The following DERPC variants were observed in gnomAD, a reference collection of about 807,000 sequenced individuals.
DERPC encodes DERPC proline and glycine rich nuclear protein, also known as decreased expression in renal and prostate cancer protein.
In DERPC, 1 loss-of-function variant was observed where a neutral mutation model predicts 7.2. The ratio of observed to expected loss-of-function variants is 0.14; its 90% CI spans 0.05 to 0.66. The LOEUF is 0.66. DERPC is among the 30% of genes least tolerant of loss of function. DERPC has a pLI of 0.84. For synonymous variants in DERPC, 185 were observed against 117.6 expected (o/e 1.57, Z -3.71); for missense variants, 502 against 299.4 (o/e 1.68, Z -4.99).
chr16:69,130,305 G>A (rs902462122), intron 1 of DERPC, among the ~76,000 whole-genome samples: 6 of 149,536 alleles, frequency 4.0e-5, no homozygotes, highest in Middle Eastern at 7.0e-3. Flanking sequence ...CAACGTTTTA[G>A]AAATTTTGTT....
In DERPC at chr16:69,118,031, A is replaced by G. The variant is rs1961279533; in HGVS notation, c.*823T>C. The G allele has an allele frequency of 2.7e-6, 1 of 369,036 alleles. No individual in the cohort carries two copies. The highest frequency in any genetic ancestry group is 4.2e-5 in the Admixed American group (1 of 23,710). The allele number at this position is 369,036 out of a possible 1,614,324, so 22.9% of individuals were successfully genotyped here. ...AGCAGCCCTCTCATCCCATTTATTAAAGAAACAGTAAGAAAAGATACAATG... is the reference window on the plus strand; with the variant it reads ...AGCAGCCCTCTCATCCCATTTATTAGAGAAACAGTAAGAAAAGATACAATG... On this transcript the variant is annotated 3_prime_UTR_variant, in exon 3 of 3. Transcript: ENST00000519520.
chr16:69,131,234 T>G (rs2152273900), intron 1 of DERPC: 1 of 152,330 alleles, frequency 6.6e-6, no homozygotes, highest in East Asian at 1.9e-4. Context: ...GTGTGGATGC[T>G]ATGCATACAC....
chr16:69,118,259 G>A lies in DERPC; in HGVS notation c.*595C>T, dbSNP rs576908984. ...TAAATCTGGCCACCTCTAAGTCCCA[G>A]GAGAAGGGAGCTGCAGGCCCAGTCA... On this transcript the variant is annotated 3_prime_UTR_variant, in exon 3 of 3. Coordinates refer to ENST00000519520, the MANE Select transcript of DERPC (RefSeq NM_001002847.4). 18 of 791,986 alleles carry A rather than the reference G, an allele frequency of 2.3e-5. No individual in the cohort carries two copies. Among genetic ancestry groups the A allele is most frequent in the Non-Finnish European group, 3.3e-5 (15 of 449,678 alleles). 49.1% of individuals were successfully genotyped at this position (791,986 alleles called of 1,614,324 possible). A position where few individuals can be genotyped will look rare whatever the true frequency, so the allele number is the denominator to read the frequency against.
At chr16:69,122,867 T>A (rs1447816199) in intron 1 of DERPC, among the ~76,000 whole-genome samples, 1 of 150,846 alleles carries the variant, frequency 6.6e-6, no homozygotes, top group Non-Finnish European at 1.5e-5. Context: ...TTAGTAGAGA[T>A]GGGGTTTCAC....
chr16:69,121,961 G>T (rs535280915), intron 1 of DERPC, among the ~76,000 whole-genome samples: 1 of 151,566 alleles, frequency 6.6e-6, no homozygotes, highest in Non-Finnish European at 1.5e-5. Context: ...GAGCCACCGC[G>T]CCCGGCCCTA....
chr16:69,121,206 A>C lies in DERPC; in HGVS notation c.-222+230T>G, dbSNP rs767995655. ...AGGGCTGGCGGTTACAATATTTTTG[A>C]GGGGTGAAGGATGAATAGTGTCCTC... is the stretch of plus-strand genomic sequence containing the variant. On this transcript the variant is annotated intron_variant, in intron 2 of 2. Transcript: ENST00000519520. 25 of 1,580,746 alleles carry C rather than the reference A, an allele frequency of 1.6e-5. No homozygotes were observed. In the Admixed American group the frequency reaches 2.4e-4, roughly 15 times the overall value.
At chr16:69,121,281 T>C (rs1961635155) in intron 2 of DERPC, 155 bp downstream of exon 2, 1 of 1,270,240 alleles carries the variant, frequency 7.9e-7, no homozygotes, top group Non-Finnish European at 1.1e-6. Context: ...GTCAAGTTCT[T>C]GGGAAATTGG....
chr16:69,130,198 T>C (rs1329561872), intron 1 of DERPC, among the ~76,000 whole-genome samples: 1 of 152,244 alleles, frequency 6.6e-6, no homozygotes, highest in East Asian at 1.9e-4. Flanking sequence ...GTGTGATATG[T>C]ATCCAATTAA....
intron 1 of DERPC, among the ~76,000 whole-genome samples, chr16:69,130,638 G>T (rs186131348): frequency 6.6e-6 from 1 of 152,186 alleles, no homozygotes; most frequent in Admixed American, 6.5e-5. Context: ...AAAGGCTGTT[G>T]CAAGAACGAG....
chr16:69,118,342 TTC>T lies in DERPC; in HGVS notation c.*510_*511del, dbSNP rs756938569. On this transcript the variant is annotated 3_prime_UTR_variant, in exon 3 of 3. Transcript: ENST00000519520. Reference sequence around the variant, plus strand: ...TTTGAAGTGGTTGTCCATCTCCCTGTTCTGTGTTCAAGCCCCCAGGGAAAGGT... The same window carrying T: ...TTTGAAGTGGTTGTCCATCTCCCTGTTGTGTTCAAGCCCCCAGGGAAAGGT... 4 of 1,525,008 alleles carry T rather than the reference TTC, an allele frequency of 2.6e-6. No homozygotes were observed. The highest frequency in any genetic ancestry group is 3.6e-6 in the Non-Finnish European group (4 of 1,098,792). The allele number at this position is 1,525,008 out of a possible 1,614,324, so 94.5% of individuals were successfully genotyped here. A position where few individuals can be genotyped will look rare whatever the true frequency, so the allele number is the denominator to read the frequency against.
chr16:69,123,693 C>G (rs1317517145), intron 1 of DERPC, among the ~76,000 whole-genome samples: 1 of 152,086 alleles, frequency 6.6e-6, no homozygotes, highest in East Asian at 1.9e-4. Flanking sequence ...TGAGAAAGTC[C>G]TCCAACATCT....
In DERPC at chr16:69,132,551, T is replaced by C. The variant is rs1567597586; in HGVS notation, c.-347A>G. 1.1e-5 allele frequency: 4 copies of C among 364,434 alleles called. No homozygotes were observed. The highest frequency in any genetic ancestry group is 4.5e-5 in the African/African-American group (2 of 43,958). 22.6% of individuals were successfully genotyped at this position (364,434 alleles called of 1,614,324 possible). On this transcript the variant is annotated 5_prime_UTR_variant, in exon 1 of 3. Transcript: ENST00000519520. ...GCGACAACCGAACCTCCCGCCGCCG[T>C]CGCCGCCGCCGCGAGCACTGCCTGC...
Position 69,119,523 on chromosome 16 carries a change from G to C in DERPC, c.906C>G (p.Ser302Arg). Residue 302 changes from serine to arginine, a missense_variant, in exon 3 of 3, where the codon AGC becomes AGG. Transcript: ENST00000519520. ...CAGGTACTCTTGCCATGGAGGATGG[G>C]CTTGTGCCCATGTTTCCAGAAGCCT... ...FSQASGNMGT[S>R]PSSMARVPGP... is the part of the protein sequence containing the mutation. 1 of 702,912 alleles carries C rather than the reference G, an allele frequency of 1.4e-6. No individual in the cohort carries two copies. The highest frequency in any genetic ancestry group is 2.6e-6 in the Non-Finnish European group (1 of 384,986). 43.5% of individuals were successfully genotyped at this position (702,912 alleles called of 1,614,324 possible). A position where few individuals can be genotyped will look rare whatever the true frequency, so the allele number is the denominator to read the frequency against.
Position 69,120,224 on chromosome 16 carries a change from G to C in DERPC, c.205C>G (p.Pro69Ala), listed in dbSNP as rs748635349. Residue 69 changes from proline (P) to alanine (A), a missense_variant, in exon 3 of 3, where the codon CCA (proline) becomes GCA (alanine). Physicochemically the swap from Pro to Ala is conservative, Grantham distance 27 (BLOSUM62 -1). Coordinates refer to ENST00000519520, the MANE Select transcript of DERPC (RefSeq NM_001002847.4). The surrounding 1 kb of genome is among the most constrained non-coding windows in gnomAD (Gnocchi z 4.0). ...GGNLTPFPRN[P>A]SPFPASSGSL... ...CCTGATGAAGCTGGAAAAGGAGATG[G>C]GTTCCTTGGAAATGGGGTCAGATTT... 1.6e-5 allele frequency: 11 copies of C among 705,148 alleles called. No homozygotes were observed. The highest frequency in any genetic ancestry group is 2.3e-5 in the Non-Finnish European group (9 of 386,990). 43.7% of individuals were successfully genotyped at this position (705,148 alleles called of 1,614,324 possible). A position where few individuals can be genotyped will look rare whatever the true frequency, so the allele number is the denominator to read the frequency against.
At position 69,118,181 on chromosome 16, in the gene DERPC, T is replaced by TTTGA. The variant is rs373811879; in HGVS notation, c.*669_*672dup. On this transcript the variant is annotated 3_prime_UTR_variant, in exon 3 of 3. Transcript: ENST00000519520. ...CACATCAGTTTAAATTTTGAGGTTC[T>TTTGA]TTGATTGATTGGGAGTACCAGTGAA... is the stretch of plus-strand genomic sequence containing the variant. 35 of 561,706 alleles carry TTTGA rather than the reference T, an allele frequency of 6.2e-5. No individual in the cohort carries two copies. Among genetic ancestry groups the TTTGA allele is most frequent in the African/African-American group, 3.6e-4 (19 of 52,082 alleles). 34.8% of individuals were successfully genotyped at this position (561,706 alleles called of 1,614,324 possible).
At chr16:69,127,946 ACT>A (rs1962199611) in intron 1 of DERPC, among the ~76,000 whole-genome samples, 1 of 128,226 alleles carries the variant, frequency 7.8e-6, no homozygotes, top group Non-Finnish European at 1.7e-5. Context: ...ACAGAGTCTC[ACT>A]CTGTCACTCA....
rs1185388535 is a variant in DERPC, at chr16:69,127,064, C to T, written c.-280+5420G>A. Reference sequence around the variant, plus strand: ...GAGTTTGAGGCCAACATAGTGAAACCCCATCTCTACCAAAAATACAAAAAT... The same window carrying T: ...GAGTTTGAGGCCAACATAGTGAAACTCCATCTCTACCAAAAATACAAAAAT... On this transcript the variant is annotated intron_variant, in intron 1 of 2. Transcript: ENST00000519520. 3.3e-5 allele frequency among the ~76,000 whole-genome samples: 5 copies of T among 151,948 alleles called. No homozygotes were observed. The East Asian group carries it at 9.6e-4, about 29-fold the overall frequency.
rs1010482626 is a variant in DERPC at position 69,119,015 on chromosome 16, C to T, written c.1414G>A (p.Gly472Ser). The T allele has an allele frequency of 1.1e-5, 8 of 702,934 alleles. No homozygotes were observed. Among genetic ancestry groups the T allele is most frequent in the African/African-American group, 5.2e-5 (3 of 57,278 alleles). The allele number at this position is 702,934 out of a possible 1,614,324, so 43.5% of individuals were successfully genotyped here. The part of the protein sequence containing the change: ...APFTRPTGTL[G>S]LNPASFPRMN... ...CTTGGAAAGGAAGCTGGGTTGAGAC[C>T]CAGGGTCCCAGTTGGCCTTGTGAAA... The change falls in exon 3 of 3, where the codon GGT (glycine) becomes AGT (serine). Residue 472 changes from glycine to serine, a missense_variant. Transcript: ENST00000519520.
chr16:69,130,609 G>C (rs1962427955), intron 1 of DERPC, among the ~76,000 whole-genome samples: 1 of 152,078 alleles, frequency 6.6e-6, no homozygotes, highest in South Asian at 2.1e-4. Context: ...CAATACACTG[G>C]GCATAAACAC....
Sources: allele counts gnomAD v4.1 joint callset (sites outside exome capture counted in the v4.1 genomes callset), GRCh38; gene constraint gnomAD v4.1.1; non-coding constraint Gnocchi (gnomAD v3.1); transcripts MANE v1.5; gene names NCBI Gene and HGNC (gene_info 2026-07-23, HGNC 2026-07-21).